NHSL1: variants seen among roughly 807,000 people sequenced by gnomAD.
The protein encoded by NHSL1 is NHS-like protein 1.
A neutral mutation model predicts 95.0 loss-of-function variants in NHSL1; 48 were observed. The ratio of observed to expected loss-of-function variants is 0.51; its 90% confidence interval spans 0.40 to 0.64. The LOEUF is 0.64. Ranked by LOEUF, NHSL1 falls within the 30% of genes least tolerant of loss-of-function variation. The probability of loss-of-function intolerance (pLI) is 0.00; values close to 1 mark genes in which losing one functional copy is unlikely to be tolerated. For missense variants in NHSL1, 1,971 were observed against 2,077.7 expected (o/e 0.95, Z 1.00); for synonymous variants, 783 against 833.9 (o/e 0.94, Z 1.05).
rs114347148 is a variant in NHSL1 at position 138,532,041 on chromosome 6, G to A, written c.16+13582C>T. ...AACTCAGAGAAGGGGTTACTAACCA[G>A]CATTGGAATATTATAGAGAACTTCC... On this transcript the variant is annotated intron_variant, in intron 1 of 4. Transcript: ENST00000342260. Among the ~76,000 whole-genome samples, 277 of 152,332 alleles carry A rather than the reference G, an allele frequency of 1.8e-3. 2 individuals are homozygous for A. Among genetic ancestry groups the A allele is most frequent in the African/African-American group, 6.4e-3 (267 of 41,568 alleles).
chr6:138,666,328 C>T (rs1405784985), intron 1 of NHSL1, among the ~76,000 whole-genome samples: 2 of 151,918 alleles, frequency 1.3e-5, no homozygotes, highest in Admixed American at 6.6e-5. Context: ...GGGCCAGGCG[C>T]GGTGGCTCCC....
intron 5 of NHSL1, among the ~76,000 whole-genome samples, chr6:138,440,875 G>C (rs974481057): frequency 2.0e-5 from 3 of 152,192 alleles, no homozygotes; most frequent in African/African-American, 7.2e-5. Context: ...TGAGTTTCTA[G>C]AGTGTAACTT....
In NHSL1 at chr6:138,433,326, C is replaced by T; in HGVS notation, c.1019G>A (p.Arg340Lys). ...TCCTGCAGGGCCGAGGGCACCCAGCCTCGGCTCAAGGGACTGAATGTTTGC... is the reference window on the plus strand; with the variant it reads ...TCCTGCAGGGCCGAGGGCACCCAGCTTCGGCTCAAGGGACTGAATGTTTGC... ...ARANIQSLEP[R>K]LGALGPAGDM... The change falls in exon 6 of 8, where the codon AGG becomes AAG. Residue 340 changes from arginine to lysine, a missense_variant. Transcript: ENST00000343505. 6.4e-7 allele frequency: 1 copy of T among 1,551,970 alleles called. No homozygotes were observed. The highest frequency in any genetic ancestry group is 1.2e-5 in the South Asian group (1 of 84,056).
chr6:138,543,318 G>A (rs1235977504), intron 1 of NHSL1, among the ~76,000 whole-genome samples: 1 of 152,174 alleles, frequency 6.6e-6, no homozygotes, highest in Non-Finnish European at 1.5e-5. Context: ...AGAAGCTGAT[G>A]TATCTGAGAT....
chr6:138,650,915 A>C, intron 1 of NHSL1: 1 of 539,728 alleles, frequency 1.9e-6, no homozygotes, highest in East Asian at 5.3e-5. Context: ...ATCCACTTGC[A>C]CAATGTATTT....
At chr6:138,691,760 G>A in intron 1 of NHSL1, 1 of 371,790 alleles carries the variant, frequency 2.7e-6, no homozygotes, top group Middle Eastern at 4.0e-4. Context: ...ATGGATCACC[G>A]GAGAGATCAC....
At position 138,490,921 on chromosome 6, in the gene NHSL1, C is replaced by T. The variant is rs766422542; in HGVS notation, c.211+5298G>A. 6.6e-5 allele frequency among the ~76,000 whole-genome samples: 10 copies of T among 152,206 alleles called. No individual in the cohort carries two copies. In the East Asian group the frequency reaches 7.7e-4, roughly 12 times the overall value. On this transcript the variant is annotated intron_variant, in intron 2 of 7. Coordinates refer to ENST00000343505, the MANE Select transcript of NHSL1 (RefSeq NM_001144060.2). ...TACTGGGATTATAGGCGTGAGCCAC[C>T]GCGCCTGGATGGTAAATCATTCTTT...
intron 1 of NHSL1, among the ~76,000 whole-genome samples, chr6:138,594,347 A>C (rs950404017): frequency 2.4e-4 from 36 of 152,194 alleles, no homozygotes; most frequent in Admixed American, 2.1e-3. Context: ...TCAATCCTTG[A>C]GAGCTTAATT....
At chr6:138,527,314 G>T (rs986674846) in intron 1 of NHSL1, among the ~76,000 whole-genome samples, 1 of 151,570 alleles carries the variant, frequency 6.6e-6, no homozygotes, top group Admixed American at 6.6e-5. Context: ...TTAGAGGATC[G>T]CTCTGAGTTT....
chr6:138,512,548 GA>G (rs879169351), intron 1 of NHSL1: 1,311 of 118,982 alleles, frequency 0.011, no homozygotes, highest in South Asian at 0.03. Context: ...CACCAAAAAA[GA>G]AAAAAAAAAA....
chr6:138,652,530 A>C (rs2114712418), intron 1 of NHSL1, among the ~76,000 whole-genome samples: 1 of 152,252 alleles, frequency 6.6e-6, no homozygotes, highest in Admixed American at 6.5e-5. Context: ...CTAGAAAATC[A>C]TGTTTCCATT....
intron 1 of NHSL1, among the ~76,000 whole-genome samples, chr6:138,523,024 C>CA (rs1363602594): frequency 6.6e-6 from 1 of 151,698 alleles, no homozygotes; most frequent in Non-Finnish European, 1.5e-5. Context: ...TCTGTCCCCC[C>CA]ACCCCCACCC....
intron 2 of NHSL1, among the ~76,000 whole-genome samples, chr6:138,476,957 T>TAAAAAAAAAAAAAAA (rs58311101): frequency 9.9e-6 from 1 of 100,514 alleles, no homozygotes; most frequent in East Asian, 2.7e-4. Flanking sequence ...TCCCTGAATC[T>TAAAAAAAAAAAAAAA]AAAAAAAAAA....
chr6:138,441,183 A>T (rs1776502394), intron 5 of NHSL1, among the ~76,000 whole-genome samples: 1 of 152,192 alleles, frequency 6.6e-6, no homozygotes, highest in Non-Finnish European at 1.5e-5. Context: ...CCAGAGAGCA[A>T]GTGGCAGAGT....
chr6:138,473,843 T>TA (rs35022781), intron 2 of NHSL1, among the ~76,000 whole-genome samples: 8,441 of 145,832 alleles, frequency 0.058, 637 homozygotes, highest in East Asian at 0.3. Flanking sequence ...TTATTCCACA[T>TA]AAAAAAAAAA....
chr6:138,575,789 A>G (rs1783960242), upstream of NHSL1, among the ~76,000 whole-genome samples: 1 of 152,114 alleles, frequency 6.6e-6, no homozygotes, highest in Non-Finnish European at 1.5e-5. Context: ...CACTCAAGCT[A>G]TATTTGTTTA....
upstream of NHSL1, chr6:138,545,815 C>A: frequency 3.4e-6 from 4 of 1,173,646 alleles, no homozygotes; most frequent in Non-Finnish European, 4.3e-6. Context: ...GGCTGTGCTG[C>A]TGACACCTCC....
intron 5 of NHSL1, among the ~76,000 whole-genome samples, chr6:138,440,935 C>A (rs1344236087): frequency 6.6e-6 from 1 of 152,046 alleles, no homozygotes; most frequent in Non-Finnish European, 1.5e-5. Flanking sequence ...GGAAATAAGT[C>A]CATAGGTTGG....
In NHSL1 at chr6:138,430,432, C is replaced by A. The variant is rs2128195271; in HGVS notation, c.3913G>T (p.Gly1305Cys). The change falls in exon 6 of 8, where the codon GGC (glycine) becomes TGC (cysteine). Residue 1305 changes from glycine to cysteine, a missense_variant. Physicochemically the swap from Gly to Cys is radical, Grantham distance 159 (BLOSUM62 -3). This residue lies in a region of NHSL1 where 146 missense variants were observed against 206.3 expected (regional missense o/e 0.71). Coordinates refer to ENST00000343505, the MANE Select transcript of NHSL1 (RefSeq NM_001144060.2). This position sits in a 1 kb window ranked among gnomAD's most constrained non-coding sequence, Gnocchi z 4.7. ...TGAGATAGGCAGCTCTCCCCATCGCCCCCAGTATCCGCACTGTTCTCGGCT... is the reference window on the plus strand; with the variant it reads ...TGAGATAGGCAGCTCTCCCCATCGCACCCAGTATCCGCACTGTTCTCGGCT... ...EPAENSADTG[G>C]DGESCLSQQD... The A allele has an allele frequency of 6.6e-7, 1 of 1,509,152 alleles. No homozygotes were observed. The highest frequency in any genetic ancestry group is 2.5e-5 in the East Asian group (1 of 40,346). The allele number at this position is 1,509,152 out of a possible 1,614,324, so 93.5% of individuals were successfully genotyped here. A position where few individuals can be genotyped will look rare whatever the true frequency, so the allele number is the denominator to read the frequency against.
Sources: allele counts gnomAD v4.1 joint callset (sites outside exome capture counted in the v4.1 genomes callset), GRCh38; gene constraint gnomAD v4.1.1; regional missense constraint gnomAD v4.1.1; non-coding constraint Gnocchi (gnomAD v3.1); transcripts MANE v1.5; gene names NCBI Gene and HGNC (gene_info 2026-07-23, HGNC 2026-07-21).